Variants in PKIG observed in about 807,000 individuals in gnomAD.
The protein encoded by PKIG is protein kinase (cAMP-dependent, catalytic) inhibitor gamma.
A neutral mutation model predicts 6.8 loss-of-function variants in PKIG; 1 was observed. That is an observed-to-expected ratio of 0.15 (90% CI 0.05 to 0.69). PKIG has a LOEUF of 0.69. Among genes scored for constraint, PKIG ranks in the 30% least tolerant of loss-of-function variants. The pLI is 0.82. For missense variants in PKIG, 77 were observed against 104.0 expected (o/e 0.74, Z 1.13); for synonymous variants, 39 against 43.0 (o/e 0.91, Z 0.36).
chr20:44,565,057 A>G (rs1462057736), intron 1 of PKIG, among the ~76,000 whole-genome samples: 2 of 152,228 alleles, frequency 1.3e-5, no homozygotes, highest in Admixed American at 6.5e-5. Flanking sequence ...TCTTGGATGA[A>G]TGATACCAAC....
upstream of PKIG, among the ~76,000 whole-genome samples, chr20:44,582,296 G>A (rs534172125): frequency 2.0e-5 from 3 of 152,268 alleles, no homozygotes; most frequent in South Asian, 6.2e-4. Flanking sequence ...AATTTACCCA[G>A]GAACCCTGGC....
chr20:44,548,465 A>C (rs1432836817), intron 1 of PKIG, among the ~76,000 whole-genome samples: 1 of 152,222 alleles, frequency 6.6e-6, no homozygotes, highest in Non-Finnish European at 1.5e-5. Context: ...ATGTTTTTTA[A>C]ATAATGAAAA....
At position 44,572,298 on chromosome 20, in the gene PKIG, G is replaced by A. The variant is rs185916723; in HGVS notation, c.-240-10287G>A. ...TGGGATTACAGGCGTGAGCCACCACGCCAGGTCAATATACGTGTTAAATTA... is the reference window on the plus strand; with the variant it reads ...TGGGATTACAGGCGTGAGCCACCACACCAGGTCAATATACGTGTTAAATTA... On this transcript the variant is annotated intron_variant, in intron 1 of 4. Transcript: ENST00000372887. Among the ~76,000 whole-genome samples, 5 of 152,270 alleles carry A rather than the reference G, an allele frequency of 3.3e-5. No individual in the cohort carries two copies. In the East Asian group the frequency reaches 7.7e-4, roughly 23 times the overall value.
intron 3 of PKIG, 78 bp from the exon 4 acceptor site, chr20:44,618,203 TTGGC>T: frequency 1.1e-6 from 1 of 881,546 alleles, no homozygotes; most frequent in South Asian, 1.3e-5. Flanking sequence ...TGCTATCAGT[TTGGC>T]TGGGCCCTTT....
intron 2 of PKIG, among the ~76,000 whole-genome samples, chr20:44,603,170 A>G (rs1258788012): frequency 6.6e-6 from 1 of 152,192 alleles, no homozygotes; most frequent in Non-Finnish European, 1.5e-5. Flanking sequence ...ACACAACACC[A>G]TAAAGCACCA....
chr20:44,542,313 C>T (rs1225895193), intron 1 of PKIG, among the ~76,000 whole-genome samples: 1 of 151,930 alleles, frequency 6.6e-6, no homozygotes, highest in Non-Finnish European at 1.5e-5. Flanking sequence ...CTTGGCCACT[C>T]GAAGGGGCTT....
At chr20:44,557,397 G>A (rs562768124) in intron 1 of PKIG, among the ~76,000 whole-genome samples, 40 of 151,908 alleles carry the variant, frequency 2.6e-4, no homozygotes, top group African/African-American at 9.7e-4. Flanking sequence ...GTGGTGGCGA[G>A]CGCCTGTAGT....
intron 2 of PKIG, among the ~76,000 whole-genome samples, chr20:44,602,975 T>C (rs2065134794): frequency 1.3e-5 from 2 of 152,176 alleles, no homozygotes; most frequent in African/African-American, 4.8e-5. Context: ...AACCAGATCT[T>C]CAGCCACTGT....
intron 1 of PKIG, among the ~76,000 whole-genome samples, chr20:44,537,970 G>A (rs1168150787): frequency 6.6e-6 from 1 of 152,094 alleles, no homozygotes; most frequent in Non-Finnish European, 1.5e-5. Context: ...TCAAGGTAGA[G>A]TATGTCACAA....
At chr20:44,543,108 C>G (rs753842918) in intron 1 of PKIG, among the ~76,000 whole-genome samples, 4 of 152,172 alleles carry the variant, frequency 2.6e-5, no homozygotes, top group Non-Finnish European at 5.9e-5. Context: ...CAGGCACTTT[C>G]TACTTACTGC....
At chr20:44,565,675 T>C (rs2064804473) in intron 1 of PKIG, among the ~76,000 whole-genome samples, 1 of 152,220 alleles carries the variant, frequency 6.6e-6, no homozygotes, top group African/African-American at 2.4e-5. Context: ...ATATCCTTCA[T>C]GCCCTTCATT....
intron 1 of PKIG, among the ~76,000 whole-genome samples, chr20:44,544,278 A>G (rs1413864254): frequency 2.6e-5 from 4 of 152,214 alleles, no homozygotes; most frequent in Non-Finnish European, 5.9e-5. Context: ...TAGACCATTC[A>G]GAAACAGAAT....
intron 1 of PKIG, among the ~76,000 whole-genome samples, chr20:44,572,587 G>A (rs1399531075): frequency 6.6e-6 from 1 of 152,160 alleles, no homozygotes; most frequent in Non-Finnish European, 1.5e-5. Flanking sequence ...GAGGGAGTGT[G>A]TTTGATGAAA....
chr20:44,577,273 T>A (rs1201025439), intron 1 of PKIG, among the ~76,000 whole-genome samples: 1 of 151,946 alleles, frequency 6.6e-6, no homozygotes, highest in Admixed American at 6.6e-5. Context: ...GGACTACAGG[T>A]GTGCACCACC....
intron 3 of PKIG, among the ~76,000 whole-genome samples, chr20:44,615,952 A>G (rs2065260628): frequency 6.6e-6 from 1 of 151,898 alleles, no homozygotes; most frequent in Non-Finnish European, 1.5e-5. Flanking sequence ...CCCCACCCCA[A>G]AAGCCTTCCC....
At chr20:44,568,809 CTG>C (rs1324966770) in intron 1 of PKIG, among the ~76,000 whole-genome samples, 3 of 152,068 alleles carry the variant, frequency 2.0e-5, no homozygotes, top group South Asian at 2.1e-4. Context: ...TTTATTGTGA[CTG>C]TGTAATATTC....
chr20:44,583,133 C>T (rs2064962179), intron 1 of PKIG, among the ~76,000 whole-genome samples: 1 of 152,146 alleles, frequency 6.6e-6, no homozygotes, highest in South Asian at 2.1e-4. Context: ...AAAGAAAAGT[C>T]TCCGAAAGTA....
intron 2 of PKIG, among the ~76,000 whole-genome samples, chr20:44,608,625 TG>T (rs959089262): frequency 1.3e-5 from 2 of 151,902 alleles, no homozygotes; most frequent in Non-Finnish European, 2.9e-5. Flanking sequence ...GAGACCACCT[TG>T]GTTAACATAA....
At chr20:44,563,725 C>T (rs1254627409) in intron 1 of PKIG, among the ~76,000 whole-genome samples, 1 of 151,946 alleles carries the variant, frequency 6.6e-6, no homozygotes, top group Non-Finnish European at 1.5e-5. Flanking sequence ...GAGATGAGGT[C>T]TTACTGTGTT....
Sources: gnomAD v4.1 joint callset for allele counts (sites outside exome capture counted in the v4.1 genomes callset) on GRCh38, gnomAD v4.1.1 for gene constraint, MANE v1.5 for transcripts, NCBI Gene and HGNC (gene_info 2026-07-23, HGNC 2026-07-21) for gene names.